Variants in OGFOD3 observed in about 807,000 individuals in gnomAD.
OGFOD3 encodes 2-oxoglutarate and iron-dependent oxygenase domain-containing protein 3.
A neutral mutation model predicts 39.8 loss-of-function variants in OGFOD3; 35 were observed. The ratio of observed to expected loss-of-function variants is 0.88; its 90% CI spans 0.67 to 1.17. The LOEUF (loss-of-function observed/expected upper bound fraction) is 1.17, where lower values mean the gene tolerates loss of function less well. OGFOD3 is among the 50% of genes most tolerant of loss of function. The pLI, the probability that OGFOD3 is intolerant of heterozygous loss-of-function variation, is 0.00. For synonymous variants in OGFOD3, 200 were observed against 192.0 expected, an observed-to-expected ratio of 1.04 and a Z score of -0.34; for missense variants, 438 against 454.5, an observed-to-expected ratio of 0.96 and a Z score of 0.33.
chr17:82,409,539 C>A, intron 3 of OGFOD3, 129 bp from the exon 4 acceptor site: 4 of 839,952 alleles, frequency 4.8e-6, no homozygotes, highest in East Asian at 5.2e-5. Context: ...ATGATGTAAA[C>A]AAATGTTTAG....
chr17:82,412,280 C>CGGGGCAGGGGCA lies in OGFOD3; in HGVS notation c.305-762_305-751dup, dbSNP rs147357362. 2.7e-3 allele frequency among the ~76,000 whole-genome samples: 403 copies of CGGGGCAGGGGCA among 149,840 alleles called. 9 individuals carry two copies. The highest frequency in any genetic ancestry group is 9.8e-3 in the African/African-American group (389 of 39,810). On this transcript the variant is annotated intron_variant, in intron 2 of 8. Transcript: ENST00000313056. The stretch of plus-strand genomic sequence containing the variant: ...CAGCTCAAATGGGGGTCAGGGTGGT[C>CGGGGCAGGGGCA]GGGGCAGGGGCAGGGTCGTTGGGAC...
intron 7 of OGFOD3, among the ~76,000 whole-genome samples, chr17:82,399,424 G>A (rs1333170825): frequency 6.6e-6 from 1 of 152,256 alleles, no homozygotes; most frequent in East Asian, 1.9e-4. Context: ...TTCTTCAGAA[G>A]TGGAGCAATC....
chr17:82,390,562 C>T lies in OGFOD3; in HGVS notation c.*1836G>A, dbSNP rs2052587473. Reference sequence around the variant, plus strand: ...GCGCGGGAGCCTCAGGGTTCCTGCCCCATCTGCCCAGAGCCTGCAGCCCTG... The same window carrying T: ...GCGCGGGAGCCTCAGGGTTCCTGCCTCATCTGCCCAGAGCCTGCAGCCCTG... On this transcript the variant is annotated 3_prime_UTR_variant, in exon 9 of 9. Transcript: ENST00000313056. The surrounding 1 kb of genome is among the most constrained non-coding windows in gnomAD (Gnocchi z 4.9). The T allele has an allele frequency of 1.3e-5, 2 of 156,128 alleles. No individual in the cohort carries two copies. The highest frequency in any genetic ancestry group is 4.8e-5 in the African/African-American group (2 of 41,484). 9.7% of individuals were successfully genotyped at this position (156,128 alleles called of 1,614,324 possible). A position where few individuals can be genotyped will look rare whatever the true frequency, so the allele number is the denominator to read the frequency against.
At chr17:82,409,468 T>A in intron 3 of OGFOD3, 58 bp from the exon 4 acceptor site, 1 of 1,531,536 alleles carries the variant, frequency 6.5e-7, no homozygotes, top group Non-Finnish European at 9.0e-7. Flanking sequence ...ATGTATAATC[T>A]AGGCAAACGT....
rs1219168272 is a variant in OGFOD3 at position 82,418,513 on chromosome 17, G to C, written c.-28C>G. The C allele has an allele frequency of 1.5e-6, 2 of 1,297,286 alleles. No homozygotes were observed. The highest frequency in any genetic ancestry group is 1.6e-5 in the African/African-American group (1 of 64,120). 80.4% of individuals were successfully genotyped at this position (1,297,286 alleles called of 1,614,324 possible). A position where few individuals can be genotyped will look rare whatever the true frequency, so the allele number is the denominator to read the frequency against. ...GACCAGGCCGCCGCGGAGCCGGGCC[G>C]GACGCGGGCGCCAGGCCCGGGGACG... On this transcript the variant is annotated 5_prime_UTR_variant, in exon 1 of 9. Transcript: ENST00000313056.
intron 2 of OGFOD3, among the ~76,000 whole-genome samples, chr17:82,411,971 A>AG (rs1355759640): frequency 6.6e-6 from 1 of 151,570 alleles, no homozygotes; most frequent in Non-Finnish European, 1.5e-5. Context: ...TGAGGCCACC[A>AG]GAGGGGGGAA....
intron 7 of OGFOD3, among the ~76,000 whole-genome samples, chr17:82,400,364 C>T (rs750167463): frequency 6.6e-6 from 1 of 152,074 alleles, no homozygotes; most frequent in Non-Finnish European, 1.5e-5. Context: ...CAGAGTAAGA[C>T]AGACGTCAAG....
At chr17:82,414,626 C>T (rs1263257419) in intron 2 of OGFOD3, among the ~76,000 whole-genome samples, 1 of 152,216 alleles carries the variant, frequency 6.6e-6, no homozygotes, top group Admixed American at 6.5e-5. Context: ...GCGGTCCCGT[C>T]CCTCCCTGCG....
intron 8 of OGFOD3, 137 bp downstream of exon 8, chr17:82,398,059 G>A (rs907386105): frequency 4.9e-5 from 54 of 1,101,610 alleles, no homozygotes; most frequent in Non-Finnish European, 6.9e-5. Context: ...CGCTAGACCT[G>A]GGAATCACTC....
In OGFOD3 at chr17:82,392,797, T is replaced by C. The variant is rs2052615401; in HGVS notation, c.824-263A>G. 2.1e-6 allele frequency: 1 copy of C among 484,856 alleles called. No individual in the cohort carries two copies. Among genetic ancestry groups the C allele is most frequent in the African/African-American group, 1.9e-5 (1 of 51,370 alleles). 30.0% of individuals were successfully genotyped at this position (484,856 alleles called of 1,614,324 possible). On this transcript the variant is annotated intron_variant, in intron 8 of 8. Transcript: ENST00000313056. This position sits in a 1 kb window ranked among gnomAD's most constrained non-coding sequence, Gnocchi z 4.2. Reference sequence around the variant, plus strand: ...CTGTGGTGGGCAGGACAGAGGAAGATGCTGCAGATGAGGCCACCACTGGCT... The same window carrying C: ...CTGTGGTGGGCAGGACAGAGGAAGACGCTGCAGATGAGGCCACCACTGGCT...
At chr17:82,403,824 A>C in intron 7 of OGFOD3, 113 bp downstream of exon 7, 1 of 1,340,636 alleles carries the variant, frequency 7.5e-7, no homozygotes. Context: ...GCCCACGGGC[A>C]CGCTCACCTT....
intron 7 of OGFOD3, among the ~76,000 whole-genome samples, chr17:82,401,739 GGT>G (rs2052766809): frequency 6.9e-6 from 1 of 145,974 alleles, no homozygotes; most frequent in Non-Finnish European, 1.5e-5. Flanking sequence ...GGGAGGCAGA[GGT>G]TGCAGTGAGC....
At chr17:82,418,297 C>T (rs1424176339) in intron 1 of OGFOD3, 115 bp downstream of exon 1, 2 of 69,700 alleles carry the variant, frequency 2.9e-5, no homozygotes, top group Admixed American at 1.7e-4. Context: ...CCCACCTGCC[C>T]CCCCCCACCC....
chr17:82,411,845 T>A (rs184437794), intron 2 of OGFOD3, among the ~76,000 whole-genome samples: 1 of 152,208 alleles, frequency 6.6e-6, no homozygotes, highest in East Asian at 1.9e-4. Context: ...TGACTGCAGG[T>A]CCAGACACCC....
At position 82,404,613 on chromosome 17, in the gene OGFOD3, G is replaced by A. The variant is rs1327169509; in HGVS notation, c.546-523C>T. ...GAGCGGCTCTGAAATGGATGTCTGG[G>A]TGGGCATGGGCCCATGTGGGGGGCT... On this transcript the variant is annotated intron_variant, in intron 6 of 8. Coordinates refer to ENST00000313056, the MANE Select transcript of OGFOD3 (RefSeq NM_024648.3). This position sits in a 1 kb window ranked among gnomAD's most constrained non-coding sequence, Gnocchi z 4.5. Among the ~76,000 whole-genome samples the A allele has an allele frequency of 6.6e-6, 1 of 152,142 alleles. No homozygotes were observed. The highest frequency in any genetic ancestry group is 6.5e-5 in the Admixed American group (1 of 15,288).
chr17:82,399,003 G>A (rs1419784608), intron 7 of OGFOD3, among the ~76,000 whole-genome samples: 2 of 136,986 alleles, frequency 1.5e-5, no homozygotes, highest in Admixed American at 1.4e-4. Context: ...AGAGGTTGGG[G>A]CGGGGTGGTG....
rs1328939302 is a variant in OGFOD3, at chr17:82,406,031, G to A, written c.488+387C>T. 6.6e-6 allele frequency among the ~76,000 whole-genome samples: 1 copy of A among 152,162 alleles called. No homozygotes were observed. The highest frequency in any genetic ancestry group is 1.5e-5 in the Non-Finnish European group (1 of 68,034). ...ATGCATGAGGCTGACACGGATCCACGCAGGGAGGGTCTCTTTGCTCTCCCG... is the reference window on the plus strand; with the variant it reads ...ATGCATGAGGCTGACACGGATCCACACAGGGAGGGTCTCTTTGCTCTCCCG... On this transcript the variant is annotated intron_variant, in intron 5 of 8. Coordinates refer to ENST00000313056, the MANE Select transcript of OGFOD3 (RefSeq NM_024648.3). The surrounding 1 kb of genome is among the most constrained non-coding windows in gnomAD (Gnocchi z 5.2).
intron 8 of OGFOD3, among the ~76,000 whole-genome samples, chr17:82,394,895 C>T (rs2052648614): frequency 6.6e-6 from 1 of 152,182 alleles, no homozygotes; most frequent in African/African-American, 2.4e-5. Context: ...AGTGACACCC[C>T]CGAATATCAT....
intron 3 of OGFOD3, among the ~76,000 whole-genome samples, chr17:82,409,757 T>C (rs1214528909): frequency 6.6e-6 from 1 of 152,082 alleles, no homozygotes; most frequent in Non-Finnish European, 1.5e-5. Flanking sequence ...TAGCCAGCTG[T>C]GATGGCAGGT....
Sources: gnomAD v4.1 joint callset for allele counts (sites outside exome capture counted in the v4.1 genomes callset) on GRCh38, gnomAD v4.1.1 for gene constraint, Gnocchi (gnomAD v3.1) non-coding constraint, MANE v1.5 for transcripts, NCBI Gene and HGNC (gene_info 2026-07-23, HGNC 2026-07-21) for gene names.